The following ARHGEF1 variants were observed in gnomAD, a reference collection of about 807,000 sequenced individuals.
ARHGEF1 encodes 115 kDa guanine nucleotide exchange factor.
ARHGEF1 carries 40 observed loss-of-function variants against 119.7 expected under a neutral mutation model. The observed-to-expected ratio is 0.33, with a 90% confidence interval of 0.26 to 0.44. The LOEUF (loss-of-function observed/expected upper bound fraction) is 0.44. Among genes scored for constraint, ARHGEF1 ranks in the 20% least tolerant of loss-of-function variants. ARHGEF1 has a pLI of 1.00. For missense variants in ARHGEF1, 976 were observed against 1,268.3 expected, an observed-to-expected ratio of 0.77 and a Z score of 3.50; for synonymous variants, 494 against 521.0, an observed-to-expected ratio of 0.95 and a Z score of 0.71.
Position 41,902,691 on chromosome 19 carries a change from G to A in ARHGEF1, c.1623+33G>A. On this transcript the variant is annotated intron_variant, in intron 17 of 28. Transcript: ENST00000354532. This position sits in a 1 kb window ranked among gnomAD's most constrained non-coding sequence, Gnocchi z 6.5. ...GGGGTCTGGACTCCAGCTTCCCAGG[G>A]AGGAGGGGCCTGGAGACCCAGACTC... 1 of 1,613,718 alleles carries A rather than the reference G, an allele frequency of 6.2e-7. No homozygotes were observed. Among genetic ancestry groups the A allele is most frequent in the Non-Finnish European group, 8.5e-7 (1 of 1,179,786 alleles).
downstream of ARHGEF1, chr19:41,907,517 G>T: frequency 9.7e-7 from 1 of 1,030,076 alleles, no homozygotes; most frequent in Admixed American, 2.8e-5. Flanking sequence ...TGACTGTCTG[G>T]CGTTGACATC....
At position 41,914,586 on chromosome 19, in the gene ARHGEF1, C is replaced by T. The variant is rs1303977173; in HGVS notation, c.1865+7783C>T. On this transcript the variant is annotated intron_variant, in intron 18 of 20. Transcript: ENST00000599589. ...CCATCTCTGTCTCCGTCTCTCCCTC[C>T]CTTTCCACCATCTCTGTCTCTCCCT... Among the ~76,000 whole-genome samples, 7 of 98,932 alleles carry T rather than the reference C, an allele frequency of 7.1e-5. 1 individual carries two copies. The highest frequency in any genetic ancestry group is 4.3e-4 in the Admixed American group (4 of 9,374). 64.9% of individuals were successfully genotyped at this position (98,932 alleles called of 152,430 possible).
At position 41,898,531 on chromosome 19, in the gene ARHGEF1, C is replaced by G. The variant is rs1042047121; in HGVS notation, c.1211C>G (p.Pro404Arg). 2.6e-6 allele frequency: 4 copies of G among 1,568,040 alleles called. No individual in the cohort carries two copies. The highest frequency in any genetic ancestry group is 3.5e-6 in the Non-Finnish European group (4 of 1,156,880). ...EPPGWRELVP[P>R]DTLHSLPKSQ... ...CCCGGCTGGCGGGAACTCGTCCCCC[C>G]AGACACCCTGCACAGCCTGCCCAAG... Residue 404 changes from proline to arginine, a missense_variant, in exon 14 of 29, where the codon CCA (proline) becomes CGA (arginine). By Grantham distance (103) the Pro-to-Arg change is moderately radical (BLOSUM62 -2). Transcript: ENST00000354532.
Position 41,902,150 on chromosome 19 carries a change from C to G in ARHGEF1, c.1414+117C>G, listed in dbSNP as rs555872629. On this transcript the variant is annotated intron_variant, in intron 15 of 28. Transcript: ENST00000354532. The surrounding 1 kb of genome is among the most constrained non-coding windows in gnomAD (Gnocchi z 6.5). Reference sequence around the variant, plus strand: ...GGTTCACATGGGGTGGGGGCAGATACGCCATCCGGTCCCGAGGATCAGACA... The same window carrying G: ...GGTTCACATGGGGTGGGGGCAGATAGGCCATCCGGTCCCGAGGATCAGACA... 6.4e-7 allele frequency: 1 copy of G among 1,553,608 alleles called. No homozygotes were observed. The highest frequency in any genetic ancestry group is 8.8e-7 in the Non-Finnish European group (1 of 1,138,840).
Position 41,888,970 on chromosome 19 carries a change from G to C in ARHGEF1, c.225+105G>C, listed in dbSNP as rs2074336150. ...AGTGCCTGGAGGGTCTGGAAAAGCAGATCTAGAACACAGAGAGCCAGATCT... is the reference window on the plus strand; with the variant it reads ...AGTGCCTGGAGGGTCTGGAAAAGCACATCTAGAACACAGAGAGCCAGATCT... On this transcript the variant is annotated intron_variant, in intron 4 of 28. Coordinates refer to ENST00000354532, the MANE Select transcript of ARHGEF1 (RefSeq NM_004706.4). This position sits in a 1 kb window ranked among gnomAD's most constrained non-coding sequence, Gnocchi z 5.1. 2.2e-6 allele frequency: 2 copies of C among 922,442 alleles called. No individual in the cohort carries two copies. The highest frequency in any genetic ancestry group is 2.7e-5 in the Admixed American group (1 of 36,988). The allele number at this position is 922,442 out of a possible 1,614,324, so 57.1% of individuals were successfully genotyped here.
rs932487533 is a variant in ARHGEF1 at position 41,917,360 on chromosome 19, C to G, written c.1866-5732C>G. ...TGTCTCCTAACGCCCCATCACCACG[C>G]CCCCCTGGGCTGGGGTTTAACCAGT... On this transcript the variant is annotated intron_variant, in intron 18 of 20. Transcript: ENST00000599589. This position sits in a 1 kb window ranked among gnomAD's most constrained non-coding sequence, Gnocchi z 4.8. 6.6e-6 allele frequency among the ~76,000 whole-genome samples: 1 copy of G among 151,950 alleles called. No individual in the cohort carries two copies. The highest frequency in any genetic ancestry group is 6.6e-5 in the Admixed American group (1 of 15,258).
At chr19:41,913,097 C>G (rs1347176205) in intron 18 of ARHGEF1, among the ~76,000 whole-genome samples, 1 of 152,018 alleles carries the variant, frequency 6.6e-6, no homozygotes, top group Non-Finnish European at 1.5e-5. Context: ...GCAGGCACCG[C>G]TCTGTCCCCA....
In ARHGEF1 at chr19:41,904,838, G is replaced by T; in HGVS notation, c.2162-111G>T. On this transcript the variant is annotated intron_variant, in intron 22 of 28. Coordinates refer to ENST00000354532, the MANE Select transcript of ARHGEF1 (RefSeq NM_004706.4). The surrounding 1 kb of genome is among the most constrained non-coding windows in gnomAD (Gnocchi z 8.4). Reference sequence around the variant, plus strand: ...GACAGTGAGTGGTGAGTTGAGCCATGGGAGCCCTGAGAGCGCCACCACTGT... The same window carrying T: ...GACAGTGAGTGGTGAGTTGAGCCATTGGAGCCCTGAGAGCGCCACCACTGT... 1 of 871,616 alleles carries T rather than the reference G, an allele frequency of 1.1e-6. No homozygotes were observed. Among genetic ancestry groups the T allele is most frequent in the East Asian group, 2.5e-5 (1 of 39,962 alleles). 54.0% of individuals were successfully genotyped at this position (871,616 alleles called of 1,614,324 possible). A position where few individuals can be genotyped will look rare whatever the true frequency, so the allele number is the denominator to read the frequency against.
intron 18 of ARHGEF1, among the ~76,000 whole-genome samples, chr19:41,913,488 C>T (rs941682098): frequency 6.6e-6 from 1 of 151,754 alleles, no homozygotes; most frequent in African/African-American, 2.4e-5. Flanking sequence ...GCAGCCCTGA[C>T]CCGCAGCCGC....
At chr19:41,898,693 G>T in intron 14 of ARHGEF1, 106 bp downstream of exon 14, 1 of 1,396,092 alleles carries the variant, frequency 7.2e-7, no homozygotes, top group South Asian at 1.5e-5. Flanking sequence ...ATTTACCATC[G>T]GGAGAACTTG....
chr19:41,916,760 G>T lies in ARHGEF1; in HGVS notation c.1866-6332G>T, dbSNP rs561255624. Among the ~76,000 whole-genome samples, 1 of 151,476 alleles carries T rather than the reference G, an allele frequency of 6.6e-6. No individual in the cohort carries two copies. Among genetic ancestry groups the T allele is most frequent in the African/African-American group, 2.4e-5 (1 of 41,174 alleles). On this transcript the variant is annotated intron_variant, in intron 18 of 20. Transcript: ENST00000599589. This position sits in a 1 kb window ranked among gnomAD's most constrained non-coding sequence, Gnocchi z 5.4. ...ACCAGCACCAACCCAGACAGCCAACGCACACGGCCACACACACACCCATTC... is the reference window on the plus strand; with the variant it reads ...ACCAGCACCAACCCAGACAGCCAACTCACACGGCCACACACACACCCATTC...
chr19:41,891,851 G>GGAAC (rs1259397635), intron 4 of ARHGEF1, among the ~76,000 whole-genome samples, 174 bp from the exon 5 acceptor site: 3 of 152,170 alleles, frequency 2.0e-5, no homozygotes, highest in Admixed American at 2.0e-4. Context: ...AGCCTGCAGG[G>GGAAC]GAACCCAGGG....
At chr19:41,921,278 T>C (rs2074840826), upstream of ARHGEF1, among the ~76,000 whole-genome samples, 1 of 150,716 alleles carries the variant, frequency 6.6e-6, no homozygotes, top group Non-Finnish European at 1.5e-5. The surrounding 1 kb of genome is among the most constrained non-coding windows in gnomAD (Gnocchi z 4.4). Context: ...AGGGGAGACA[T>C]GCAGGGAGGA....
chr19:41,908,488 C>A (rs970181856), downstream of ARHGEF1: 4 of 1,231,510 alleles, frequency 3.2e-6, no homozygotes, highest in African/African-American at 6.2e-5. The surrounding 1 kb of genome is among the most constrained non-coding windows in gnomAD (Gnocchi z 6.7). Context: ...GGGCCTCCCC[C>A]TGCCCCTGAC....
chr19:41,929,657 C>A (rs2145918977), exon 3 of ARHGEF1: 1 of 152,010 alleles, frequency 6.6e-6, no homozygotes, highest in African/African-American at 2.4e-5. Context: ...ATTCCCAGGT[C>A]AGGCTCCGCC....
rs1482039093 is a variant in ARHGEF1 at position 41,916,363 on chromosome 19, C to T, written c.1866-6729C>T. 1.3e-5 allele frequency among the ~76,000 whole-genome samples: 2 copies of T among 152,064 alleles called. No homozygotes were observed. The highest frequency in any genetic ancestry group is 4.8e-5 in the African/African-American group (2 of 41,388). On this transcript the variant is annotated intron_variant, in intron 18 of 20. Coordinates refer to the ARHGEF1 transcript ENST00000599589. The surrounding 1 kb of genome is among the most constrained non-coding windows in gnomAD (Gnocchi z 5.4). ...CGCATACCACTGCTGCCACACACAA[C>T]CCACATCACACAGATGCATGTGTCA... is the stretch of plus-strand genomic sequence containing the variant.
Position 41,883,740 on chromosome 19 carries a change from A to C in ARHGEF1, c.-20+451A>C, listed in dbSNP as rs1227584269. Among the ~76,000 whole-genome samples, 2 of 151,888 alleles carry C rather than the reference A, an allele frequency of 1.3e-5. No individual in the cohort carries two copies. Among genetic ancestry groups the C allele is most frequent in the Admixed American group, 6.6e-5 (1 of 15,238 alleles). On this transcript the variant is annotated intron_variant, in intron 1 of 28. Transcript: ENST00000354532. The surrounding 1 kb of genome is among the most constrained non-coding windows in gnomAD (Gnocchi z 7.6). ...CACCTAAAAATGAAAAACAACAATA[A>C]CAACAACGACGAGGGTCGCTGTGAA...
chr19:41,920,489 ACAGACATGACGCACT>A (rs1272886586), upstream of ARHGEF1, among the ~76,000 whole-genome samples: 1 of 145,626 alleles, frequency 6.9e-6, no homozygotes, highest in Non-Finnish European at 1.5e-5. Flanking sequence ...GACGTGACAC[ACAGACATGACGCACT>A]CAGACATGAC....
At position 41,923,229 on chromosome 19, in the gene ARHGEF1, T is replaced by C. The variant is rs147673260; in HGVS notation, c.138T>C (p.Asn46=). Reference sequence around the variant, plus strand: ...GGGATGAGGTGAGCCTGGACTTGAATGCAGGTCAGTATGACTCTAGGCCCC... The same window carrying C: ...GGGATGAGGTGAGCCTGGACTTGAACGCAGGTCAGTATGACTCTAGGCCCC... Residue 46 remains asparagine, a synonymous_variant, in exon 1 of 3, where the codon AAT becomes AAC. Coordinates refer to the ARHGEF1 transcript ENST00000594417. 3.3e-5 allele frequency: 15 copies of C among 455,504 alleles called. No homozygotes were observed. In the East Asian group the frequency reaches 1.0e-3, roughly 32 times the overall value. 28.2% of individuals were successfully genotyped at this position (455,504 alleles called of 1,614,324 possible). A position where few individuals can be genotyped will look rare whatever the true frequency, so the allele number is the denominator to read the frequency against.
Sources: allele counts gnomAD v4.1 joint callset (sites outside exome capture counted in the v4.1 genomes callset), GRCh38; gene constraint gnomAD v4.1.1; non-coding constraint Gnocchi (gnomAD v3.1); transcripts MANE v1.5; gene names NCBI Gene and HGNC (gene_info 2026-07-23, HGNC 2026-07-21).